The following RAB5A variants were observed in gnomAD, a reference collection of about 807,000 sequenced individuals.
The protein encoded by RAB5A is RAB5A, member RAS oncogene family, also known as ras-related protein Rab-5A.
In RAB5A, 8 loss-of-function variants were observed where a neutral mutation model predicts 25.7. That is an observed-to-expected ratio of 0.31 (90% CI 0.18 to 0.56). RAB5A has a LOEUF of 0.56. Ranked by LOEUF, RAB5A falls within the 20% of genes least tolerant of loss-of-function variation. RAB5A has a pLI of 0.91. For synonymous variants in RAB5A, 98 were observed against 89.8 expected, an observed-to-expected ratio of 1.09 and a Z score of -0.52; for missense variants, 192 against 259.7, an observed-to-expected ratio of 0.74 and a Z score of 1.79.
chr3:19,980,517 T>G (rs1696904649), intron 5 of RAB5A, among the ~76,000 whole-genome samples: 1 of 151,804 alleles, frequency 6.6e-6, no homozygotes, highest in South Asian at 2.1e-4. Context: ...CACAGTGCAC[T>G]CATAACAACT....
intron 2 of RAB5A, among the ~76,000 whole-genome samples, chr3:19,973,470 G>A (rs977364172): frequency 6.6e-6 from 1 of 150,512 alleles, no homozygotes; most frequent in Non-Finnish European, 1.5e-5. Context: ...TTTTTGGTAA[G>A]AGTACTGTCT....
In RAB5A at chr3:19,976,065, A is replaced by G. The variant is rs1344123730; in HGVS notation, c.334A>G (p.Lys112Glu). The G allele has an allele frequency of 1.2e-6, 2 of 1,611,988 alleles. No homozygotes were observed. ...TTAACAGGAGTCCTTTGCAAGAGCA[A>G]AAAATTGGGTTAAAGAACTTCAGAG... is the stretch of plus-strand genomic sequence containing the variant. The part of the protein sequence containing the change: ...ITNEESFARA[K>E]NWVKELQRQA... The change falls in exon 4 of 6, where the codon AAA (lysine) becomes GAA (glutamate). Residue 112 changes from lysine to glutamate, a missense_variant. By Grantham distance (56) the Lys-to-Glu change is moderately conservative (BLOSUM62 1). Coordinates refer to ENST00000273047, the MANE Select transcript of RAB5A (RefSeq NM_004162.5).
At chr3:19,967,227 C>G (rs78079992) in intron 2 of RAB5A, among the ~76,000 whole-genome samples, 7,249 of 152,054 alleles carry the variant, frequency 0.048, 279 homozygotes, top group South Asian at 0.18. Context: ...TTGCTGCAAC[C>G]TCCATCTCCT....
At chr3:19,959,192 A>G (rs1445536890) in intron 2 of RAB5A, among the ~76,000 whole-genome samples, 1 of 152,176 alleles carries the variant, frequency 6.6e-6, no homozygotes, top group African/African-American at 2.4e-5. Context: ...CTGATTCACT[A>G]ATTTACTGCT....
chr3:19,970,262 C>T (rs1175096345), intron 2 of RAB5A, among the ~76,000 whole-genome samples: 1 of 152,162 alleles, frequency 6.6e-6, no homozygotes, highest in Non-Finnish European at 1.5e-5. Context: ...CTTTCCCTTG[C>T]CCAGTGTGTT....
Position 19,975,674 on chromosome 3 carries a change from A to G in RAB5A, c.237A>G (p.Gln79=). Residue 79 remains glutamine (Q), a synonymous_variant, in exon 3 of 6, where the codon CAA becomes CAG. Coordinates refer to ENST00000273047, the MANE Select transcript of RAB5A (RefSeq NM_004162.5). ...TTGAAATATGGGATACAGCTGGTCA[A>G]GAACGATACCATAGCCTAGCACCAA... ...VKFEIWDTAG[Q]ERYHSLAPMY... 6.2e-7 allele frequency: 1 copy of G among 1,614,020 alleles called. No homozygotes were observed.
chr3:19,967,645 A>ATT (rs546577724), intron 2 of RAB5A, among the ~76,000 whole-genome samples: 1 of 151,984 alleles, frequency 6.6e-6, no homozygotes, highest in Non-Finnish European at 1.5e-5. Flanking sequence ...CTACATAATA[A>ATT]TTTTTTATTT....
At chr3:19,952,641 G>GT (rs1696440423) in intron 2 of RAB5A, among the ~76,000 whole-genome samples, 1 of 152,072 alleles carries the variant, frequency 6.6e-6, no homozygotes, top group Non-Finnish European at 1.5e-5. Flanking sequence ...AATGTTTTAT[G>GT]TTTTTTCTAA....
At chr3:19,971,667 G>A (rs1696754368) in intron 2 of RAB5A, among the ~76,000 whole-genome samples, 1 of 152,076 alleles carries the variant, frequency 6.6e-6, no homozygotes, top group Admixed American at 6.6e-5. Context: ...TAGAGACGAG[G>A]TTTCGCCATA....
chr3:19,982,049 C>G (rs1263486791), intron 5 of RAB5A, among the ~76,000 whole-genome samples: 3 of 151,844 alleles, frequency 2.0e-5, no homozygotes, highest in African/African-American at 7.2e-5. Flanking sequence ...CTAGACCAGC[C>G]TGGGCAACAG....
intron 5 of RAB5A, among the ~76,000 whole-genome samples, chr3:19,983,243 C>T (rs138256212): frequency 2.8e-4 from 41 of 147,786 alleles, no homozygotes; most frequent in Non-Finnish European, 4.1e-4. Flanking sequence ...GGCCAAGGCA[C>T]GAGAATCACT....
intron 5 of RAB5A, chr3:19,978,657 C>T: frequency 9.7e-6 from 3 of 309,694 alleles, no homozygotes; most frequent in South Asian, 1.3e-4. Flanking sequence ...TAGGCAGCTT[C>T]TTCCAGGTGA....
At chr3:19,975,517 A>G in intron 2 of RAB5A, 84 bp from the exon 3 acceptor site, 2 of 1,319,184 alleles carry the variant, frequency 1.5e-6, no homozygotes, top group Admixed American at 2.2e-5. Context: ...TGACATTTTG[A>G]TAGATGTATA....
At chr3:19,976,558 G>A (rs1279705204) in intron 4 of RAB5A, among the ~76,000 whole-genome samples, 2 of 152,188 alleles carry the variant, frequency 1.3e-5, no homozygotes, top group Non-Finnish European at 2.9e-5. Flanking sequence ...GGTAGTGCAT[G>A]CCTGTAATCC....
chr3:19,962,993 G>A (rs1440664126), intron 2 of RAB5A, among the ~76,000 whole-genome samples: 3 of 152,068 alleles, frequency 2.0e-5, no homozygotes, highest in Non-Finnish European at 1.5e-5. Context: ...TTAAATTTTT[G>A]TAGAGAAGGG....
intron 4 of RAB5A, among the ~76,000 whole-genome samples, chr3:19,976,681 G>A (rs939643963): frequency 5.9e-5 from 9 of 152,070 alleles, no homozygotes; most frequent in Non-Finnish European, 7.4e-5. Flanking sequence ...GCAAAACTCC[G>A]TCTCAAAATA....
intron 2 of RAB5A, among the ~76,000 whole-genome samples, chr3:19,955,878 C>G (rs976922945): frequency 2.0e-5 from 3 of 152,030 alleles, no homozygotes; most frequent in Non-Finnish European, 2.9e-5. Flanking sequence ...GCCTGGGTGT[C>G]TCAGCGAGAC....
chr3:19,965,977 C>T (rs1488698720), intron 2 of RAB5A, among the ~76,000 whole-genome samples: 1 of 152,200 alleles, frequency 6.6e-6, no homozygotes, highest in African/African-American at 2.4e-5. Flanking sequence ...GCATACCCGC[C>T]TGGGCCTCCC....
At chr3:19,949,495 T>C (rs1696391465) in intron 1 of RAB5A, among the ~76,000 whole-genome samples, 1 of 152,134 alleles carries the variant, frequency 6.6e-6, no homozygotes, top group African/African-American at 2.4e-5. Flanking sequence ...AGCCACTCTG[T>C]CCAGTGTGAA....
Sources: gnomAD v4.1 joint callset for allele counts (sites outside exome capture counted in the v4.1 genomes callset) on GRCh38, gnomAD v4.1.1 for gene constraint, MANE v1.5 for transcripts, NCBI Gene and HGNC (gene_info 2026-07-23, HGNC 2026-07-21) for gene names.